The following ZNF578 variants were observed in gnomAD, a reference collection of about 807,000 sequenced individuals.
ZNF578 encodes Putative chemokine-related protein B42.
ZNF578 carries 8 observed loss-of-function variants against 8.3 expected under a neutral mutation model. The observed-to-expected ratio is 0.96, with a 90% confidence interval of 0.56 to 1.74. ZNF578 has a LOEUF of 1.74. Among genes scored for constraint, ZNF578 ranks in the 40% most tolerant of loss-of-function variants. ZNF578 has a pLI of 0.00. For missense variants in ZNF578, 726 were observed against 707.5 expected, an observed-to-expected ratio of 1.03 and a Z score of -0.30; for synonymous variants, 206 against 232.2, an observed-to-expected ratio of 0.89 and a Z score of 1.03.
chr19:52,505,369 A>T (rs1444209624), intron 5 of ZNF578, among the ~76,000 whole-genome samples: 1 of 152,078 alleles, frequency 6.6e-6, no homozygotes. Context: ...ACTCTTGTTC[A>T]TTTCACATTT....
rs760146414 is a variant in ZNF578, at chr19:52,504,802, G to A, written c.190+21G>A. On this transcript the variant is annotated intron_variant, in intron 5 of 5. Transcript: ENST00000421239. Reference sequence around the variant, plus strand: ...TGTGGGTGAGGAAAATGTCCCTGCAGACATGAGGAGTCTGCTCTTGTCTGT... The same window carrying A: ...TGTGGGTGAGGAAAATGTCCCTGCAAACATGAGGAGTCTGCTCTTGTCTGT... 6 of 1,613,770 alleles carry A rather than the reference G, an allele frequency of 3.7e-6. No individual in the cohort carries two copies. In the South Asian group the frequency reaches 4.4e-5, roughly 12 times the overall value.
chr19:52,477,104 GA>G (rs1303834677), intron 2 of ZNF578, among the ~76,000 whole-genome samples: 1 of 152,156 alleles, frequency 6.6e-6, no homozygotes, highest in East Asian at 1.9e-4. Flanking sequence ...CTACTCCAGG[GA>G]CTACAGTGAT....
Position 52,514,326 on chromosome 19 carries a change from A to C in ZNF578, c.*2172A>C, listed in dbSNP as rs961135983. Among the ~76,000 whole-genome samples the C allele has an allele frequency of 6.6e-6, 1 of 152,160 alleles. No homozygotes were observed. The highest frequency in any genetic ancestry group is 2.1e-4 in the South Asian group (1 of 4,834). On this transcript the variant is annotated 3_prime_UTR_variant, in exon 6 of 6. Transcript: ENST00000421239. ...GAGATTTTTTTCCTACAACAATTTC[A>C]AAAGAGTTGCTGTTTGAAATTAGTT... is the stretch of plus-strand genomic sequence containing the variant.
At chr19:52,487,959 CCTT>C (rs1568461248) in intron 2 of ZNF578, among the ~76,000 whole-genome samples, 4 of 146,184 alleles carry the variant, frequency 2.7e-5, no homozygotes. Context: ...AGCCCCCCCC[CCTT>C]TTTTTTTTTG....
chr19:52,471,070 T>C (rs2059290337), intron 2 of ZNF578, among the ~76,000 whole-genome samples: 2 of 152,168 alleles, frequency 1.3e-5, no homozygotes, highest in Admixed American at 6.5e-5. Context: ...AAGTGCCTGC[T>C]CTTACTTCAC....
intron 2 of ZNF578, among the ~76,000 whole-genome samples, chr19:52,468,477 C>A (rs2059282218): frequency 6.6e-6 from 1 of 152,168 alleles, no homozygotes; most frequent in South Asian, 2.1e-4. Flanking sequence ...CTCTCCTAAC[C>A]AAGTCTGGAG....
intron 4 of ZNF578, among the ~76,000 whole-genome samples, chr19:52,503,816 T>TTTTTTTTTGG (rs2059415807): frequency 6.6e-6 from 1 of 150,826 alleles, no homozygotes; most frequent in Non-Finnish European, 1.5e-5. Context: ...TTTTTTTTTT[T>TTTTTTTTTGG]GAGATGGAGT....
chr19:52,498,335 T>TG (rs1405561275), intron 3 of ZNF578, among the ~76,000 whole-genome samples: 3 of 148,652 alleles, frequency 2.0e-5, no homozygotes, highest in African/African-American at 7.5e-5. Context: ...GTGTGTTTTT[T>TG]TTTTTTTTTT....
intron 2 of ZNF578, among the ~76,000 whole-genome samples, chr19:52,468,775 C>A (rs2059283091): frequency 6.6e-6 from 1 of 152,140 alleles, no homozygotes; most frequent in Non-Finnish European, 1.5e-5. Context: ...GATAACCTTG[C>A]TTGCTGAGTC....
rs1248315751 is a variant in ZNF578, at chr19:52,515,779, G to A, written c.*3625G>A. ...CAGTTGTGATTAGAATTTTCAATGG[G>A]ATGCAGTGCCCTAAAAATGAAAAAC... is the stretch of plus-strand genomic sequence containing the variant. On this transcript the variant is annotated 3_prime_UTR_variant, in exon 6 of 6. Coordinates refer to ENST00000421239, the MANE Select transcript of ZNF578 (RefSeq NM_001099694.2). Among the ~76,000 whole-genome samples the A allele has an allele frequency of 6.6e-6, 1 of 151,836 alleles. No homozygotes were observed. The highest frequency in any genetic ancestry group is 1.5e-5 in the Non-Finnish European group (1 of 67,946).
At chr19:52,461,026 C>G (rs377422769) in intron 2 of ZNF578, among the ~76,000 whole-genome samples, 31 of 152,240 alleles carry the variant, frequency 2.0e-4, no homozygotes, top group African/African-American at 7.0e-4. Context: ...GTAAAATTTG[C>G]AATAGTTGAT....
Position 52,496,324 on chromosome 19 carries a change from T to TATTTATTTATTTATTTATTTA in ZNF578, c.-20+4899_-20+4900insATTTATTTATTTATTTATTTA, listed in dbSNP as rs1301134040. On this transcript the variant is annotated intron_variant, in intron 3 of 5. Transcript: ENST00000421239. ...AGCCACCACGCTCGGCCTCATTTGT[T>TATTTATTTATTTATTTATTTA]GTTATTTATTTATTTATTTATTTGA... Among the ~76,000 whole-genome samples, 615 of 123,254 alleles carry TATTTATTTATTTATTTATTTA rather than the reference T, an allele frequency of 5.0e-3. 2 individuals carry two copies. The highest frequency in any genetic ancestry group is 8.7e-3 in the Non-Finnish European group (470 of 53,888). The allele number at this position is 123,254 out of a possible 152,430, so 80.9% of individuals were successfully genotyped here.
At chr19:52,493,446 C>G (rs2059373875) in intron 3 of ZNF578, among the ~76,000 whole-genome samples, 1 of 152,190 alleles carries the variant, frequency 6.6e-6, no homozygotes. Context: ...GTTCCACCCC[C>G]CGGAAAATGC....
chr19:52,496,709 G>A (rs1036126357), intron 3 of ZNF578, among the ~76,000 whole-genome samples: 1 of 148,896 alleles, frequency 6.7e-6, no homozygotes, highest in African/African-American at 2.5e-5. Context: ...CGCAATCTCG[G>A]TCACTGCAAC....
chr19:52,507,464 A>G (rs2059429344), intron 5 of ZNF578, among the ~76,000 whole-genome samples: 1 of 152,192 alleles, frequency 6.6e-6, no homozygotes, highest in Admixed American at 6.6e-5. Context: ...AGGCTGAGGC[A>G]CGAGACTCTC....
chr19:52,501,718 T>TG lies in ZNF578; in HGVS notation c.-19-101dup, dbSNP rs113582885. 1.7e-3 allele frequency: 1,732 copies of TG among 1,006,266 alleles called. 2 individuals carry two copies. The highest frequency in any genetic ancestry group is 8.2e-3 in the African/African-American group (493 of 60,222). 62.3% of individuals were successfully genotyped at this position (1,006,266 alleles called of 1,614,324 possible). A position where few individuals can be genotyped will look rare whatever the true frequency, so the allele number is the denominator to read the frequency against. ...GCATGATCTCTGGTGCAGTGGGCAG[T>TG]GGGGGGGGCTTCTTTGTACAGGGTG... On this transcript the variant is annotated intron_variant, in intron 3 of 5. Coordinates refer to ENST00000421239, the MANE Select transcript of ZNF578 (RefSeq NM_001099694.2).
intron 2 of ZNF578, among the ~76,000 whole-genome samples, chr19:52,461,529 A>G (rs1224487239): frequency 6.6e-6 from 1 of 152,188 alleles, no homozygotes; most frequent in Non-Finnish European, 1.5e-5. Flanking sequence ...GAGGCTTCCC[A>G]TGGTCTATTG....
intron 2 of ZNF578, chr19:52,457,474 T>G (rs1032218060): frequency 3.3e-5 from 5 of 152,172 alleles, no homozygotes; most frequent in Non-Finnish European, 5.9e-5. Context: ...TGAGCCAATC[T>G]AGCAAATTAA....
chr19:52,474,395 T>C (rs1052984267), intron 2 of ZNF578: 1 of 296,620 alleles, frequency 3.4e-6, no homozygotes, highest in Non-Finnish European at 7.0e-6. Flanking sequence ...GTAACATTCA[T>C]TACATTTGTA....
Sources: allele counts gnomAD v4.1 joint callset (sites outside exome capture counted in the v4.1 genomes callset), GRCh38; gene constraint gnomAD v4.1.1; transcripts MANE v1.5; gene names NCBI Gene and HGNC (gene_info 2026-07-23, HGNC 2026-07-21).